The following SDK1 variants were observed in gnomAD, a reference collection of about 807,000 sequenced individuals.
SDK1 encodes protein sidekick-1.
A neutral mutation model predicts 245.5 loss-of-function variants in SDK1; 157 were observed. The observed-to-expected ratio is 0.64, with a 90% CI of 0.56 to 0.73. The LOEUF (loss-of-function observed/expected upper bound fraction) is 0.73. SDK1 is among the 30% of genes least tolerant of loss of function. SDK1 has a pLI of 0.00. For synonymous variants in SDK1, 1,647 were observed against 1,278.5 expected, an observed-to-expected ratio of 1.29 and a Z score of -6.15; for missense variants, 3,583 against 3,002.3, an observed-to-expected ratio of 1.19 and a Z score of -4.52.
At chr7:4,251,807 ACTTT>A (rs984479370) in intron 44 of SDK1, among the ~76,000 whole-genome samples, 1 of 152,188 alleles carries the variant, frequency 6.6e-6, no homozygotes, top group African/African-American at 2.4e-5. Flanking sequence ...TGCTCTGTTA[ACTTT>A]CTTCCACACC....
intron 4 of SDK1, among the ~76,000 whole-genome samples, chr7:3,761,461 G>A (rs901386386): frequency 1.3e-5 from 2 of 151,446 alleles, no homozygotes; most frequent in Admixed American, 1.3e-4. Context: ...GGCTGAGGCA[G>A]GAGAATGGCC....
intron 1 of SDK1, among the ~76,000 whole-genome samples, chr7:3,432,122 A>T (rs7792536): frequency 0.22 from 15,982 of 72,796 alleles, 1,163 homozygotes; most frequent in African/African-American, 0.29. Flanking sequence ...TAAAAAAAAA[A>T]AAATATATAT....
chr7:4,264,533 C>CGCGTGGACCTCTCCTGAGTGAGGGAGGCG (rs1788319992), intron 44 of SDK1, among the ~76,000 whole-genome samples: 4 of 131,688 alleles, frequency 3.0e-5, no homozygotes, highest in African/African-American at 1.2e-4. Context: ...TGAGGGAGGC[C>CGCGTGGACCTCTCCTGAGTGAGGGAGGCG]GCGTGGACCT....
chr7:3,469,472 A>G (rs1015488664), intron 1 of SDK1, among the ~76,000 whole-genome samples: 1 of 152,164 alleles, frequency 6.6e-6, no homozygotes, highest in African/African-American at 2.4e-5. Context: ...TAAGACCTGC[A>G]GTAAATAGCA....
At chr7:3,664,369 C>T (rs541474793) in intron 4 of SDK1, among the ~76,000 whole-genome samples, 8 of 152,194 alleles carry the variant, frequency 5.3e-5, no homozygotes, top group East Asian at 1.9e-4. Context: ...ACAAGAAACT[C>T]GAATCTGTGT....
At chr7:4,020,292 C>A (rs1396104904) in intron 17 of SDK1, among the ~76,000 whole-genome samples, 1 of 149,242 alleles carries the variant, frequency 6.7e-6, no homozygotes, top group South Asian at 2.1e-4. Flanking sequence ...GCCTGGGGGA[C>A]ATGGCTGGCT....
intron 13 of SDK1, among the ~76,000 whole-genome samples, chr7:3,986,668 G>A (rs1023032993): frequency 6.6e-6 from 1 of 152,074 alleles, no homozygotes; most frequent in Admixed American, 6.6e-5. Context: ...AGACCAACCT[G>A]GCCAAGATGG....
chr7:3,819,654 ACT>A (rs1779594692), intron 4 of SDK1, among the ~76,000 whole-genome samples: 4 of 152,070 alleles, frequency 2.6e-5, no homozygotes, highest in South Asian at 4.1e-4. Flanking sequence ...TTATAATAAA[ACT>A]CTATTGAAAT....
At chr7:3,644,767 T>G (rs1412081129) in intron 4 of SDK1, among the ~76,000 whole-genome samples, 1 of 63,238 alleles carries the variant, frequency 1.6e-5, no homozygotes, top group Non-Finnish European at 2.9e-5. Context: ...AGCAAGACCC[T>G]GTCTCCAAAA....
At chr7:4,174,734 T>G (rs1446615657) in intron 33 of SDK1, among the ~76,000 whole-genome samples, 1 of 152,240 alleles carries the variant, frequency 6.6e-6, no homozygotes, top group South Asian at 2.1e-4. Flanking sequence ...CCCGCCTGTC[T>G]GTACCAGACA....
intron 4 of SDK1, among the ~76,000 whole-genome samples, chr7:3,745,658 G>C (rs1041324936): frequency 2.0e-5 from 3 of 151,892 alleles, no homozygotes; most frequent in Non-Finnish European, 4.4e-5. Flanking sequence ...GAACTCCCTC[G>C]AGCGACCCCT....
intron 7 of SDK1, among the ~76,000 whole-genome samples, chr7:3,957,395 C>T (rs1239879412): frequency 1.3e-5 from 2 of 152,128 alleles, no homozygotes; most frequent in Non-Finnish European, 1.5e-5. Context: ...GTTACCATTG[C>T]GGGAAGCCGA....
intron 5 of SDK1, among the ~76,000 whole-genome samples, chr7:3,941,635 A>G (rs1187845545): frequency 6.6e-6 from 1 of 151,844 alleles, no homozygotes; most frequent in Non-Finnish European, 1.5e-5. Context: ...ACTGACCTCA[A>G]CGCCACACCC....
intron 1 of SDK1, among the ~76,000 whole-genome samples, chr7:3,374,434 GGTTGCCTTACTGTAGT>G (rs1781304345): frequency 6.6e-6 from 1 of 151,990 alleles, no homozygotes; most frequent in African/African-American, 2.4e-5. Context: ...TTGGAGGTTG[GGTTGCCTTACTGTAGT>G]GTCATAGCCA....
At chr7:3,749,058 C>G (rs1044958804) in intron 4 of SDK1, among the ~76,000 whole-genome samples, 2 of 152,198 alleles carry the variant, frequency 1.3e-5, no homozygotes, top group Admixed American at 6.5e-5. Flanking sequence ...AGAGCATATT[C>G]TCACTATTCT....
intron 5 of SDK1, among the ~76,000 whole-genome samples, chr7:3,862,268 G>A (rs1473433257): frequency 1.3e-5 from 2 of 152,208 alleles, no homozygotes; most frequent in Non-Finnish European, 2.9e-5. Flanking sequence ...ATGTCTGGGG[G>A]AGGAAGCAGG....
chr7:3,920,232 G>T (rs183123872), intron 5 of SDK1, among the ~76,000 whole-genome samples: 26 of 152,312 alleles, frequency 1.7e-4, no homozygotes, highest in Non-Finnish European at 3.7e-4. Context: ...GGGTCGGGGT[G>T]ATTCGTTGAA....
chr7:3,849,546 G>C (rs897348354), intron 5 of SDK1, among the ~76,000 whole-genome samples: 2 of 152,180 alleles, frequency 1.3e-5, no homozygotes, highest in Admixed American at 1.3e-4. Context: ...CAATGGTTGA[G>C]AGGGTAATTT....
At chr7:3,452,019 A>G (rs1251321596) in intron 1 of SDK1, among the ~76,000 whole-genome samples, 2 of 152,226 alleles carry the variant, frequency 1.3e-5, no homozygotes, top group Non-Finnish European at 2.9e-5. Flanking sequence ...ATTACAGTGA[A>G]GGAACTTGTA....
Sources: gnomAD v4.1 joint callset for allele counts (sites outside exome capture counted in the v4.1 genomes callset) on GRCh38, gnomAD v4.1.1 for gene constraint, MANE v1.5 for transcripts, NCBI Gene and HGNC (gene_info 2026-07-23, HGNC 2026-07-21) for gene names.